Variants in GMDS observed in about 807,000 individuals in gnomAD.
The protein encoded by GMDS is GDP-mannose 4,6-dehydratase.
Under a neutral mutation model 49.9 loss-of-function variants are expected in GMDS, and 20 were observed. That is an observed-to-expected ratio of 0.40 (90% confidence interval 0.28 to 0.58). GMDS has a LOEUF of 0.58. GMDS is among the 20% of genes least tolerant of loss of function. GMDS has a pLI of 0.42. For synonymous variants in GMDS, 177 were observed against 178.6 expected, an observed-to-expected ratio of 0.99 and a Z score of 0.07; for missense variants, 362 against 481.4, an observed-to-expected ratio of 0.75 and a Z score of 2.32.
intron 1 of GMDS, among the ~76,000 whole-genome samples, chr6:2,192,219 G>A (rs1435473177): frequency 2.0e-5 from 3 of 152,144 alleles, no homozygotes; most frequent in Admixed American, 1.3e-4. Context: ...ATGACCAGCT[G>A]CAGAGAGGAG....
At chr6:1,643,703 T>C (rs528475240) in intron 9 of GMDS, among the ~76,000 whole-genome samples, 36 of 152,182 alleles carry the variant, frequency 2.4e-4, no homozygotes, top group African/African-American at 7.9e-4. Flanking sequence ...CCTCCGGTGA[T>C]GAAAATGCCC....
intron 1 of GMDS, among the ~76,000 whole-genome samples, chr6:2,141,155 A>T (rs1776266433): frequency 6.6e-6 from 1 of 152,258 alleles, no homozygotes; most frequent in African/African-American, 2.4e-5. Flanking sequence ...GTTCAATAAA[A>T]GTCAAAGGTG....
intron 7 of GMDS, among the ~76,000 whole-genome samples, chr6:1,820,075 A>G (rs1195755143): frequency 6.6e-6 from 1 of 152,028 alleles, no homozygotes; most frequent in African/African-American, 2.4e-5. Flanking sequence ...ATGATATTGT[A>G]CATTTTCTAG....
intron 4 of GMDS, among the ~76,000 whole-genome samples, chr6:2,114,456 T>C (rs1444328522): frequency 1.3e-5 from 2 of 152,172 alleles, no homozygotes; most frequent in African/African-American, 4.8e-5. Flanking sequence ...AGGGATGTAA[T>C]TTCTCAAGCA....
chr6:2,155,835 C>A (rs533123974), intron 1 of GMDS, among the ~76,000 whole-genome samples: 22 of 152,110 alleles, frequency 1.4e-4, no homozygotes, highest in Middle Eastern at 3.4e-3. Flanking sequence ...TAAATTAGGT[C>A]GTGAAGATTT....
At chr6:1,920,726 C>T (rs1009699246) in intron 7 of GMDS, among the ~76,000 whole-genome samples, 23 of 151,990 alleles carry the variant, frequency 1.5e-4, no homozygotes, top group African/African-American at 5.1e-4. Flanking sequence ...ACAGAAGTCA[C>T]AAAAAAGTGG....
chr6:1,743,609 G>A (rs930781864), intron 7 of GMDS, among the ~76,000 whole-genome samples: 2 of 151,968 alleles, frequency 1.3e-5, no homozygotes, highest in African/African-American at 2.4e-5. Context: ...GGAGTCTGGT[G>A]GGCAAAAATG....
At chr6:1,808,902 C>CTGTGTG (rs530398323) in intron 7 of GMDS, among the ~76,000 whole-genome samples, 101 of 127,350 alleles carry the variant, frequency 7.9e-4, no homozygotes, top group African/African-American at 2.7e-3. Context: ...TGCATGCTCT[C>CTGTGTG]TCTGTGTGTG....
rs1452926357 is a variant in GMDS at position 1,778,235 on chromosome 6, A to AG, written c.772-35650dup. 6.6e-5 allele frequency among the ~76,000 whole-genome samples: 10 copies of AG among 152,312 alleles called. No individual in the cohort carries two copies. In the East Asian group the frequency reaches 1.7e-3, roughly 26 times the overall value. ...GGGATGACTATTTATATGACAGGTA[A>AG]GGGAATAACTTTGCTGGATTCTGTT... On this transcript the variant is annotated intron_variant, in intron 7 of 10. Transcript: ENST00000380815. This position sits in a 1 kb window ranked among gnomAD's most constrained non-coding sequence, Gnocchi z 4.6.
chr6:1,646,976 T>C (rs988381800), intron 9 of GMDS, among the ~76,000 whole-genome samples: 1 of 152,064 alleles, frequency 6.6e-6, no homozygotes, highest in African/African-American at 2.4e-5. Flanking sequence ...ATGGCTCCTG[T>C]GGGCACGGGT....
chr6:1,930,361 TA>T, intron 6 of GMDS, 131 bp from the exon 7 acceptor site: 1 of 619,680 alleles, frequency 1.6e-6, no homozygotes, highest in Admixed American at 3.0e-5. Context: ...GTTAAAACAA[TA>T]AAAGAAAAGA....
chr6:2,159,845 G>A (rs1216032511), intron 1 of GMDS, among the ~76,000 whole-genome samples: 1 of 151,844 alleles, frequency 6.6e-6, no homozygotes, highest in Non-Finnish European at 1.5e-5. Context: ...AGGCTACACA[G>A]TTCATCTATG....
chr6:2,010,517 C>T (rs944426413), intron 4 of GMDS, among the ~76,000 whole-genome samples: 1 of 151,920 alleles, frequency 6.6e-6, no homozygotes, highest in Non-Finnish European at 1.5e-5. Flanking sequence ...TTTTAAAGTG[C>T]TAAAAGTCAC....
At chr6:1,743,782 AAT>A (rs1428220199) in intron 7 of GMDS, among the ~76,000 whole-genome samples, 6 of 152,220 alleles carry the variant, frequency 3.9e-5, no homozygotes, top group Middle Eastern at 3.4e-3. Flanking sequence ...TAAAAAAAAA[AAT>A]AAGTGTAGCA....
chr6:1,875,584 CTATTCT>C (rs2113811375), intron 7 of GMDS, among the ~76,000 whole-genome samples: 1 of 152,212 alleles, frequency 6.6e-6, no homozygotes, highest in South Asian at 2.1e-4. Flanking sequence ...ATTCTTATCA[CTATTCT>C]TAAAGTCACT....
intron 4 of GMDS, among the ~76,000 whole-genome samples, chr6:2,086,246 T>C (rs895853668): frequency 2.0e-5 from 3 of 152,176 alleles, no homozygotes; most frequent in African/African-American, 7.2e-5. Flanking sequence ...AGTAACTATC[T>C]ATGTGCACTG....
intron 1 of GMDS, among the ~76,000 whole-genome samples, chr6:2,215,545 T>TG (rs34514456): frequency 0.58 from 87,273 of 151,616 alleles, 28,130 homozygotes; most frequent in African/African-American, 0.84. Context: ...GTGGGAGTAA[T>TG]GGAGCTATAA....
At chr6:2,030,552 C>T (rs1768890452) in intron 4 of GMDS, among the ~76,000 whole-genome samples, 2 of 152,172 alleles carry the variant, frequency 1.3e-5, no homozygotes, top group South Asian at 4.1e-4. Flanking sequence ...TTGTACAACA[C>T]ATTTGGCCAC....
intron 9 of GMDS, among the ~76,000 whole-genome samples, chr6:1,689,046 C>T (rs955760609): frequency 7.9e-5 from 12 of 152,136 alleles, no homozygotes; most frequent in Non-Finnish European, 7.4e-5. Flanking sequence ...GGCTCTGAAA[C>T]GATAACCTTT....
Sources: allele counts gnomAD v4.1 joint callset (sites outside exome capture counted in the v4.1 genomes callset), GRCh38; gene constraint gnomAD v4.1.1; non-coding constraint Gnocchi (gnomAD v3.1); transcripts MANE v1.5; gene names NCBI Gene and HGNC (gene_info 2026-07-23, HGNC 2026-07-21).